PTPRD: variants seen among roughly 807,000 people sequenced by gnomAD.
PTPRD encodes receptor-type tyrosine-protein phosphatase delta.
A neutral mutation model predicts 214.5 loss-of-function variants in PTPRD; 34 were observed. The observed-to-expected ratio is 0.16, with a 90% CI of 0.12 to 0.21. The LOEUF is 0.21. Among genes scored for constraint, PTPRD ranks in the 10% least tolerant of loss-of-function variants. PTPRD has a pLI of 1.00. For synonymous variants in PTPRD, 1,128 were observed against 845.7 expected, an observed-to-expected ratio of 1.33 and a Z score of -5.79; for missense variants, 2,545 against 2,398.7, an observed-to-expected ratio of 1.06 and a Z score of -1.27.
intron 3 of PTPRD, among the ~76,000 whole-genome samples, chr9:10,050,143 G>A (rs1027310750): frequency 6.6e-6 from 1 of 152,090 alleles, no homozygotes; most frequent in African/African-American, 2.4e-5. Context: ...GTGGCATGGG[G>A]CCTGAGCAGA....
At chr9:9,460,478 A>G (rs915834460) in intron 8 of PTPRD, among the ~76,000 whole-genome samples, 1 of 152,060 alleles carries the variant, frequency 6.6e-6, no homozygotes, top group Non-Finnish European at 1.5e-5. Context: ...ATCTAAACGA[A>G]TCAACATTAG....
At chr9:10,475,608 A>G (rs2099057599) in intron 2 of PTPRD, among the ~76,000 whole-genome samples, 1 of 151,978 alleles carries the variant, frequency 6.6e-6, no homozygotes, top group Non-Finnish European at 1.5e-5. Flanking sequence ...AATAGAAAAA[A>G]AGGGACTCCT....
intron 8 of PTPRD, among the ~76,000 whole-genome samples, chr9:9,495,534 G>C (rs574532075): frequency 6.6e-6 from 1 of 152,058 alleles, no homozygotes; most frequent in African/African-American, 2.4e-5. Context: ...TCGGTAGAGG[G>C]AGAGACAGCT....
intron 3 of PTPRD, among the ~76,000 whole-genome samples, chr9:10,293,007 T>C (rs1474986239): frequency 6.6e-6 from 1 of 151,994 alleles, no homozygotes; most frequent in Non-Finnish European, 1.5e-5. Context: ...ATTTGTTGAA[T>C]GAATAATTTC....
chr9:9,170,487 C>A (rs1046358968), intron 10 of PTPRD, among the ~76,000 whole-genome samples: 8 of 152,182 alleles, frequency 5.3e-5, no homozygotes, highest in Non-Finnish European at 1.2e-4. Context: ...TCAGTTGAGT[C>A]TAATAGCTGC....
At chr9:8,455,256 C>T (rs1044421338) in intron 33 of PTPRD, among the ~76,000 whole-genome samples, 11 of 152,160 alleles carry the variant, frequency 7.2e-5, no homozygotes, top group African/African-American at 2.7e-4. Flanking sequence ...CAGAGCATGG[C>T]CCATTTATAC....
chr9:9,951,435 AAAAATGAAAC>A (rs1302128600), intron 4 of PTPRD, among the ~76,000 whole-genome samples: 1 of 152,230 alleles, frequency 6.6e-6, no homozygotes, highest in Non-Finnish European at 1.5e-5. Flanking sequence ...CTCTTATTGA[AAAAATGAAAC>A]AAAATTCATG....
rs951355898 is a variant in PTPRD, at chr9:10,392,485, C to T, written c.-599-51468G>A. On this transcript the variant is annotated intron_variant, in intron 2 of 45. Coordinates refer to ENST00000381196, the MANE Select transcript of PTPRD (RefSeq NM_002839.4). ...ATGCACCCAGTTATGTAACATCATT[C>T]CTTATTTTATTTAATGAATATTTAT... Among the ~76,000 whole-genome samples, 4 of 151,882 alleles carry T rather than the reference C, an allele frequency of 2.6e-5. No individual in the cohort carries two copies. In the East Asian group the frequency reaches 7.8e-4, roughly 30 times the overall value.
At chr9:9,823,288 G>A (rs901697510) in intron 5 of PTPRD, among the ~76,000 whole-genome samples, 1 of 152,074 alleles carries the variant, frequency 6.6e-6, no homozygotes, top group Non-Finnish European at 1.5e-5. Flanking sequence ...GAAGGCAAAG[G>A]GGGAGCAGGC....
intron 10 of PTPRD, among the ~76,000 whole-genome samples, chr9:9,170,698 T>A (rs937974838): frequency 6.6e-6 from 1 of 152,186 alleles, no homozygotes; most frequent in Admixed American, 6.5e-5. Context: ...TTTGAAAAGA[T>A]GATTTGACAA....
At chr9:8,992,796 G>A (rs746550521) in intron 11 of PTPRD, among the ~76,000 whole-genome samples, 9 of 152,214 alleles carry the variant, frequency 5.9e-5, no homozygotes, top group South Asian at 4.1e-4. Flanking sequence ...ATTATGCCAC[G>A]CCTTAAGTGA....
chr9:9,694,483 C>T (rs894611776), intron 7 of PTPRD, among the ~76,000 whole-genome samples: 1 of 152,150 alleles, frequency 6.6e-6, no homozygotes, highest in South Asian at 2.1e-4. Flanking sequence ...TGGCCACCAC[C>T]ACCAGGACTG....
intron 37 of PTPRD, among the ~76,000 whole-genome samples, chr9:8,381,654 C>T (rs929220713): frequency 6.6e-6 from 1 of 152,112 alleles, no homozygotes; most frequent in African/African-American, 2.4e-5. Context: ...TATATACAGC[C>T]ATAAAGTTGA....
intron 36 of PTPRD, among the ~76,000 whole-genome samples, chr9:8,400,117 G>T (rs12336314): frequency 0.027 from 4,148 of 152,156 alleles, 189 homozygotes; most frequent in African/African-American, 0.095. Flanking sequence ...CATGTCAATA[G>T]GGCTTTTAAA....
At position 10,090,941 on chromosome 9, in the gene PTPRD, C is replaced by T. The variant is rs569828606; in HGVS notation, c.-544-57151G>A. ...ATATACACACACACACACACACACA[C>T]ACACACACACACACACACATGCATG... On this transcript the variant is annotated intron_variant, in intron 3 of 45. Transcript: ENST00000381196. 6.1e-5 allele frequency among the ~76,000 whole-genome samples: 9 copies of T among 148,410 alleles called. 1 individual carries two copies. In the South Asian group the frequency reaches 2.0e-3, roughly 32 times the overall value.
intron 3 of PTPRD, among the ~76,000 whole-genome samples, chr9:10,187,655 G>A (rs117161078): frequency 1.4e-3 from 216 of 152,318 alleles, no homozygotes; most frequent in South Asian, 2.9e-3. Context: ...CCCTTCAGCC[G>A]TGAAGGAAAA....
intron 3 of PTPRD, among the ~76,000 whole-genome samples, chr9:10,247,621 T>C (rs2092304241): frequency 6.6e-6 from 1 of 152,192 alleles, no homozygotes; most frequent in Non-Finnish European, 1.5e-5. Context: ...TGTCCCAACA[T>C]TATTTTTGCA....
rs192198857 is a variant in PTPRD at position 10,486,723 on chromosome 9, A to G, written c.-600+125675T>C. Reference sequence around the variant, plus strand: ...TTTTAGGACATTTTTGTGACATAACATGTGGTCTATACTTGAGAATGATTC... The same window carrying G: ...TTTTAGGACATTTTTGTGACATAACGTGTGGTCTATACTTGAGAATGATTC... On this transcript the variant is annotated intron_variant, in intron 2 of 45. Coordinates refer to ENST00000381196, the MANE Select transcript of PTPRD (RefSeq NM_002839.4). Among the ~76,000 whole-genome samples, 10 of 152,322 alleles carry G rather than the reference A, an allele frequency of 6.6e-5. No homozygotes were observed. In the East Asian group the frequency reaches 1.9e-3, roughly 29 times the overall value.
At chr9:10,540,067 T>C (rs972415583) in intron 2 of PTPRD, among the ~76,000 whole-genome samples, 12 of 152,140 alleles carry the variant, frequency 7.9e-5, no homozygotes, top group African/African-American at 2.9e-4. Flanking sequence ...CTTGCTCTGT[T>C]ATTTTGAGGT....
Sources: allele counts gnomAD v4.1 joint callset (sites outside exome capture counted in the v4.1 genomes callset), GRCh38; gene constraint gnomAD v4.1.1; transcripts MANE v1.5; gene names NCBI Gene and HGNC (gene_info 2026-07-23, HGNC 2026-07-21).